Variants in MDFIC2 observed in about 807,000 individuals in gnomAD.
MDFIC2 encodes the protein myoD family inhibitor domain-containing protein 2.
intron 2 of MDFIC2, among the ~76,000 whole-genome samples, chr3:70,250,161 A>T (rs1370939519): frequency 6.6e-6 from 1 of 152,100 alleles, no homozygotes; most frequent in African/African-American, 2.4e-5. Flanking sequence ...CTGTTCAATA[A>T]ATATTGTGAA....
chr3:70,269,381 T>A (rs1014478621), intron 2 of MDFIC2, among the ~76,000 whole-genome samples: 2 of 152,208 alleles, frequency 1.3e-5, no homozygotes, highest in Non-Finnish European at 2.9e-5. Context: ...AGACACCCTG[T>A]AACCTACTTA....
At chr3:70,251,109 T>G (rs891511480) in intron 2 of MDFIC2, among the ~76,000 whole-genome samples, 3 of 152,186 alleles carry the variant, frequency 2.0e-5, no homozygotes, top group Non-Finnish European at 4.4e-5. Flanking sequence ...GGAGCCTTAT[T>G]GTACAACAGG....
chr3:70,293,599 A>G (rs891444635), intron 2 of MDFIC2, among the ~76,000 whole-genome samples: 2 of 152,134 alleles, frequency 1.3e-5, no homozygotes, highest in Non-Finnish European at 2.9e-5. Flanking sequence ...CCACAGTGAT[A>G]TAAGATGGTG....
chr3:70,230,634 A>G (rs1439838337), intron 2 of MDFIC2, among the ~76,000 whole-genome samples: 9 of 152,192 alleles, frequency 5.9e-5, no homozygotes, highest in Non-Finnish European at 4.4e-5. Flanking sequence ...AACAACAACA[A>G]AAAAAGTTGA....
chr3:70,240,290 GAAAAAAAA>G (rs1465293623), intron 2 of MDFIC2, among the ~76,000 whole-genome samples: 1 of 150,284 alleles, frequency 6.7e-6, no homozygotes, highest in Non-Finnish European at 1.5e-5. Flanking sequence ...TCATCTTGGG[GAAAAAAAA>G]CAGTAGCTAA....
At chr3:70,283,265 C>A (rs1186523521) in intron 2 of MDFIC2, among the ~76,000 whole-genome samples, 1 of 151,982 alleles carries the variant, frequency 6.6e-6, no homozygotes, top group Non-Finnish European at 1.5e-5. Context: ...TCATGCAGTC[C>A]TCTGATTGAT....
chr3:70,260,268 G>A (rs921335014), intron 2 of MDFIC2, among the ~76,000 whole-genome samples: 2 of 152,056 alleles, frequency 1.3e-5, no homozygotes, highest in African/African-American at 2.4e-5. Flanking sequence ...GTCATCGTAC[G>A]GCATTTCCCC....
chr3:70,259,438 T>A (rs1356143089), intron 2 of MDFIC2, among the ~76,000 whole-genome samples: 1 of 151,070 alleles, frequency 6.6e-6, no homozygotes, highest in Non-Finnish European at 1.5e-5. Flanking sequence ...AGAAAGAAAG[T>A]AAGCACCAAA....
chr3:70,285,816 G>A lies in MDFIC2; in HGVS notation c.88+26070C>T, dbSNP rs1489724826. On this transcript the variant is annotated intron_variant, in intron 2 of 3. Transcript: ENST00000567252. ...CATTTCTCTGATGTCCAGTGATGAG[G>A]AGCATTTAATCATGTGTTTTTTGGC... Among the ~76,000 whole-genome samples the A allele has an allele frequency of 5.9e-5, 9 of 152,294 alleles. No individual in the cohort carries two copies. In the South Asian group the frequency reaches 1.9e-3, roughly 32 times the overall value.
At chr3:70,269,359 G>C (rs995250057) in intron 2 of MDFIC2, among the ~76,000 whole-genome samples, 1 of 152,126 alleles carries the variant, frequency 6.6e-6, no homozygotes, top group Non-Finnish European at 1.5e-5. Context: ...ACTGTAACCT[G>C]TCTGGATACA....
chr3:70,250,640 G>A lies in MDFIC2; in HGVS notation c.89-43850C>T, dbSNP rs77544716. Among the ~76,000 whole-genome samples the A allele has an allele frequency of 4.7e-4, 72 of 152,240 alleles. 1 individual carries two copies. In the East Asian group the frequency reaches 6.0e-3, roughly 13 times the overall value. ...GCGAATGTGTGTAATTTCAAATTAC[G>A]CTGTGTTTTTATTTCACAAAAATTT... is the stretch of plus-strand genomic sequence containing the variant. On this transcript the variant is annotated intron_variant, in intron 2 of 3. Coordinates refer to ENST00000567252, the MANE Select transcript of MDFIC2 (RefSeq NM_001364677.1).
chr3:70,227,352 A>G (rs1241209923), intron 2 of MDFIC2, among the ~76,000 whole-genome samples: 3 of 152,154 alleles, frequency 2.0e-5, no homozygotes, highest in African/African-American at 4.8e-5. Flanking sequence ...TTTTTTCCAT[A>G]CCACTTCTTA....
intron 2 of MDFIC2, among the ~76,000 whole-genome samples, chr3:70,294,122 T>C (rs1702266923): frequency 1.3e-5 from 2 of 152,168 alleles, no homozygotes; most frequent in Non-Finnish European, 2.9e-5. Context: ...TCTCAGTGTT[T>C]TAGAAATGTC....
At chr3:70,214,097 G>A (rs1701381445) in intron 2 of MDFIC2, among the ~76,000 whole-genome samples, 2 of 152,084 alleles carry the variant, frequency 1.3e-5, no homozygotes, top group Admixed American at 1.3e-4. Flanking sequence ...GAAATGAATG[G>A]AAATAAGTAA....
chr3:70,270,288 A>G (rs990447163), intron 2 of MDFIC2, among the ~76,000 whole-genome samples: 2 of 152,244 alleles, frequency 1.3e-5, no homozygotes, highest in African/African-American at 4.8e-5. Context: ...ATTACAAAAT[A>G]TTTCAAAGCA....
chr3:70,256,084 G>A (rs1177532740), intron 2 of MDFIC2, among the ~76,000 whole-genome samples: 1 of 152,186 alleles, frequency 6.6e-6, no homozygotes, highest in East Asian at 1.9e-4. Flanking sequence ...TAGAAATTCA[G>A]GGTTTTAGGT....
chr3:70,200,515 A>G lies in MDFIC2; in HGVS notation c.311-3330T>C, dbSNP rs147428010. Among the ~76,000 whole-genome samples the G allele has an allele frequency of 8.2e-3, 1,247 of 152,210 alleles. 15 individuals are homozygous for G. Among genetic ancestry groups the G allele is most frequent in the African/African-American group, 0.029 (1,184 of 41,538 alleles). On this transcript the variant is annotated intron_variant, in intron 3 of 3. Coordinates refer to ENST00000567252, the MANE Select transcript of MDFIC2 (RefSeq NM_001364677.1). ...GCATTGCACACCCTCCTGCCCCTCAACTTCACCCAACTCCTATTCAAACAT... is the reference window on the plus strand; with the variant it reads ...GCATTGCACACCCTCCTGCCCCTCAGCTTCACCCAACTCCTATTCAAACAT...
At chr3:70,226,420 G>A (rs1701507505) in intron 2 of MDFIC2, among the ~76,000 whole-genome samples, 3 of 152,152 alleles carry the variant, frequency 2.0e-5, no homozygotes, top group Non-Finnish European at 4.4e-5. Context: ...GTGTCTCAGT[G>A]AAATTTTCAC....
chr3:70,207,131 A>G (rs1432501168), intron 2 of MDFIC2, among the ~76,000 whole-genome samples: 1 of 151,672 alleles, frequency 6.6e-6, no homozygotes, highest in East Asian at 1.9e-4. Context: ...CCTGTCACAG[A>G]GTATTATTAA....
Sources: allele counts gnomAD v4.1 joint callset (sites outside exome capture counted in the v4.1 genomes callset), GRCh38; gene constraint gnomAD v4.1.1; transcripts MANE v1.5; gene names NCBI Gene and HGNC (gene_info 2026-07-23, HGNC 2026-07-21).